Variants in COPS8 observed in about 807,000 individuals in gnomAD.
The protein encoded by COPS8 is COP9 signalosome subunit 8, also known as COP9 signalosome complex subunit 8.
COPS8 carries 11 observed loss-of-function variants against 31.5 expected under a neutral mutation model. The observed-to-expected ratio is 0.35, with a 90% confidence interval of 0.22 to 0.58. The LOEUF is 0.58. Among genes scored for constraint, COPS8 ranks in the 20% least tolerant of loss-of-function variants. The probability of loss-of-function intolerance (pLI) is 0.83; values close to 1 mark genes in which losing one functional copy is unlikely to be tolerated. For synonymous variants in COPS8, 81 were observed against 89.3 expected (o/e 0.91, Z 0.52); for missense variants, 215 against 255.1 (o/e 0.84, Z 1.07).
Position 237,087,171 on chromosome 2 carries a change from A to G in COPS8, c.123A>G (p.Leu41=), listed in dbSNP as rs1696632365. ...IATPPVYGQL[L]ALYLLHNDMN... is the part of the protein sequence containing the mutation. ...CACCCCCAGTGTATGGTCAGCTTCT[A>G]GCTTTATATTTGCTCCATAATGACA... The change falls in exon 2 of 8, where the codon CTA becomes CTG. Residue 41 remains leucine, a synonymous_variant. Coordinates refer to ENST00000354371, the MANE Select transcript of COPS8 (RefSeq NM_006710.5). 6.2e-7 allele frequency: 1 copy of G among 1,609,142 alleles called. No individual in the cohort carries two copies. Among genetic ancestry groups the G allele is most frequent in the Non-Finnish European group, 8.5e-7 (1 of 1,178,270 alleles).
At chr2:237,094,283 G>C (rs1030398787) in intron 5 of COPS8, 86 bp downstream of exon 5, 1 of 1,279,670 alleles carries the variant, frequency 7.8e-7, no homozygotes. Flanking sequence ...GAAACACTTG[G>C]AACAGAATAT....
chr2:237,095,792 C>A, intron 5 of COPS8, 30 bp from the exon 6 acceptor site: 1 of 1,490,258 alleles, frequency 6.7e-7, no homozygotes, highest in Non-Finnish European at 9.4e-7. Context: ...TTATTCTTTC[C>A]GGATCTTTAT....
In COPS8 at chr2:237,087,196, A is replaced by G. The variant is rs769905651; in HGVS notation, c.148A>G (p.Met50Val). Reference protein sequence around the residue: ...LLALYLLHNDMNNARYLWKRI... With the variant: ...LLALYLLHNDVNNARYLWKRI... ...AGCTTTATATTTGCTCCATAATGAC[A>G]TGTAAGTATGTTTAACCTAAAGCTA... Residue 50 changes from methionine to valine, a missense_variant and splice_region_variant, in exon 2 of 8, where the codon ATG becomes GTG. Transcript: ENST00000354371. 7 of 1,600,010 alleles carry G rather than the reference A, an allele frequency of 4.4e-6. No homozygotes were observed. The highest frequency in any genetic ancestry group is 6.0e-6 in the Non-Finnish European group (7 of 1,173,764).
At chr2:237,095,753 T>C (rs926650728) in intron 5 of COPS8, 69 bp from the exon 6 acceptor site, 7 of 1,031,964 alleles carry the variant, frequency 6.8e-6, no homozygotes, top group African/African-American at 3.2e-5. Flanking sequence ...ACTAATGTCA[T>C]GGACAAGTTG....
chr2:237,096,117 A>C (rs1470880543), intron 6 of COPS8, among the ~76,000 whole-genome samples: 1 of 152,206 alleles, frequency 6.6e-6, no homozygotes, highest in Non-Finnish European at 1.5e-5. Context: ...CATGGTCCTT[A>C]CACCTTAGTT....
rs553465369 is a variant in COPS8 at position 237,100,232 on chromosome 2, A to G, written c.*2490A>G. 3.3e-5 allele frequency: 5 copies of G among 152,332 alleles called. No homozygotes were observed. The highest frequency in any genetic ancestry group is 4.1e-4 in the South Asian group (2 of 4,820). The allele number at this position is 152,332 out of a possible 1,614,324, so 9.4% of individuals were successfully genotyped here. On this transcript the variant is annotated 3_prime_UTR_variant, in exon 8 of 8. Coordinates refer to ENST00000354371, the MANE Select transcript of COPS8 (RefSeq NM_006710.5). Reference sequence around the variant, plus strand: ...ACAGGGTAAGAAATTGAGATTGAGCATGAAATATGTCCAGTACATCCATCA... The same window carrying G: ...ACAGGGTAAGAAATTGAGATTGAGCGTGAAATATGTCCAGTACATCCATCA...
chr2:237,097,624 G>A (rs535306075), intron 7 of COPS8, 39 bp from the exon 8 acceptor site: 5 of 1,436,070 alleles, frequency 3.5e-6, no homozygotes, highest in Non-Finnish European at 2.9e-6. Context: ...TGTTACTGTG[G>A]TATGTAACAT....
In COPS8 at chr2:237,088,657, A is replaced by C; in HGVS notation, c.198+4A>C. On this transcript the variant is annotated splice_donor_region_variant and intron_variant, in intron 3 of 7. Transcript: ENST00000354371. ...AATACCACCTGCTATAAAATCTGTAAGTATCCTTTAAACCTATTTTACTGC... is the reference window on the plus strand; with the variant it reads ...AATACCACCTGCTATAAAATCTGTACGTATCCTTTAAACCTATTTTACTGC... 1 of 1,577,562 alleles carries C rather than the reference A, an allele frequency of 6.3e-7. No individual in the cohort carries two copies. Among genetic ancestry groups the C allele is most frequent in the Non-Finnish European group, 8.7e-7 (1 of 1,152,600 alleles).
chr2:237,091,219 A>G (rs1696701121), intron 4 of COPS8, among the ~76,000 whole-genome samples: 2 of 152,162 alleles, frequency 1.3e-5, no homozygotes, highest in Non-Finnish European at 1.5e-5. Flanking sequence ...CCTGGCAAGC[A>G]GTTCAGTAGA....
At chr2:237,097,423 A>G (rs1314721621) in intron 7 of COPS8, among the ~76,000 whole-genome samples, 1 of 152,180 alleles carries the variant, frequency 6.6e-6, no homozygotes, top group Non-Finnish European at 1.5e-5. Context: ...TAACAACAAC[A>G]TGAGACATGC....
chr2:237,096,618 A>G, intron 6 of COPS8: 1 of 620,000 alleles, frequency 1.6e-6, no homozygotes, highest in Non-Finnish European at 2.8e-6. Flanking sequence ...TTGAGTTACA[A>G]AGAGTGAGAA....
intron 6 of COPS8, among the ~76,000 whole-genome samples, chr2:237,096,371 C>T (rs1450700893): frequency 6.6e-6 from 1 of 152,118 alleles, no homozygotes; most frequent in Admixed American, 6.6e-5. Flanking sequence ...TATCTGAATT[C>T]CCAGCCCCTC....
At chr2:237,086,098 G>A (rs1559297633) in intron 1 of COPS8, 56 bp downstream of exon 1, 2 of 1,501,892 alleles carry the variant, frequency 1.3e-6, no homozygotes, top group Non-Finnish European at 1.8e-6. Flanking sequence ...GCCCTGGGGC[G>A]GCACCAGTTT....
intron 4 of COPS8, among the ~76,000 whole-genome samples, chr2:237,090,807 A>G (rs1231339562): frequency 1.3e-5 from 2 of 152,210 alleles, no homozygotes; most frequent in Non-Finnish European, 2.9e-5. Flanking sequence ...ATAAAACATA[A>G]CAATGTAAGT....
intron 2 of COPS8, 78 bp downstream of exon 2, chr2:237,087,275 C>A: frequency 1.0e-6 from 1 of 987,004 alleles, no homozygotes; most frequent in Non-Finnish European, 1.6e-6. Context: ...TGAAGTAGCA[C>A]CACTAAACAT....
intron 3 of COPS8, 44 bp downstream of exon 3, chr2:237,088,697 A>T (rs1696659514): frequency 7.9e-7 from 1 of 1,265,894 alleles, no homozygotes; most frequent in African/African-American, 1.5e-5. Context: ...ATGTAATGAC[A>T]TTCCCTTAAA....
intron 5 of COPS8, among the ~76,000 whole-genome samples, chr2:237,095,295 T>C (rs1345788300): frequency 2.0e-5 from 3 of 152,170 alleles, no homozygotes; most frequent in Admixed American, 2.0e-4. Flanking sequence ...CTATGTGACT[T>C]AGGACAAATC....
rs1329353269 is a variant in COPS8 at position 237,099,501 on chromosome 2, C to CA, written c.*1763dup. 1 of 151,852 alleles carries CA rather than the reference C, an allele frequency of 6.6e-6. No individual in the cohort carries two copies. The highest frequency in any genetic ancestry group is 1.9e-4 in the East Asian group (1 of 5,194). The allele number at this position is 151,852 out of a possible 1,614,324, so 9.4% of individuals were successfully genotyped here. On this transcript the variant is annotated 3_prime_UTR_variant, in exon 8 of 8. Transcript: ENST00000354371. Reference sequence around the variant, plus strand: ...ATGTGGTTTTTCATGATTAATTTCACAAAATCTTGATATCTTTTTTATTAT... The same window carrying CA: ...ATGTGGTTTTTCATGATTAATTTCACAAAAATCTTGATATCTTTTTTATTAT...
At chr2:237,087,481 A>G (rs1696640592) in intron 2 of COPS8, 6 of 430,034 alleles carry the variant, frequency 1.4e-5, no homozygotes, top group Non-Finnish European at 2.7e-5. Flanking sequence ...TATGACCTCT[A>G]TTTACTTAAC....
Sources: gnomAD v4.1 joint callset for allele counts (sites outside exome capture counted in the v4.1 genomes callset) on GRCh38, gnomAD v4.1.1 for gene constraint, MANE v1.5 for transcripts, NCBI Gene and HGNC (gene_info 2026-07-23, HGNC 2026-07-21) for gene names.